The following LARGE1 variants were observed in gnomAD, a reference collection of about 807,000 sequenced individuals.
The protein encoded by LARGE1 is xylosyl- and glucuronyltransferase LARGE1.
Under a neutral mutation model 87.6 loss-of-function variants are expected in LARGE1, and 43 were observed. That is an observed-to-expected ratio of 0.49 (90% CI 0.38 to 0.63). The LOEUF is 0.63. Among genes scored for constraint, LARGE1 ranks in the 30% least tolerant of loss-of-function variants. The pLI, the probability that LARGE1 is intolerant of heterozygous loss-of-function variation, is 0.00. For synonymous variants in LARGE1, 434 were observed against 394.6 expected (o/e 1.10, Z -1.18); for missense variants, 802 against 1,000.2 (o/e 0.80, Z 2.67).
In LARGE1 at chr22:33,615,501, A is replaced by AT. The variant is rs397692135; in HGVS notation, c.491+10742_491+10743insA. ...ATTTCACTGAAATAATTTTTAAAAA[A>AT]CCCTTTCTCTTTTTCTGCTGTCTGC... On this transcript the variant is annotated intron_variant, in intron 4 of 14. Coordinates refer to ENST00000397394, the MANE Select transcript of LARGE1 (RefSeq NM_133642.5). Among the ~76,000 whole-genome samples the AT allele has an allele frequency of 5.9e-3, 887 of 150,976 alleles. 5 individuals carry two copies. The highest frequency in any genetic ancestry group is 0.018 in the African/African-American group (757 of 41,096).
At chr22:33,768,289 C>T (rs2084965521) in intron 1 of LARGE1, among the ~76,000 whole-genome samples, 1 of 152,160 alleles carries the variant, frequency 6.6e-6, no homozygotes, top group Admixed American at 6.5e-5. Flanking sequence ...CAGAGCGAGA[C>T]TCCGTCCCAC....
At chr22:33,155,046 C>T in the LARGE1 span, among the ~76,000 whole-genome samples, 2 of 152,194 alleles carry the variant, frequency 1.3e-5, no homozygotes, top group African/African-American at 2.4e-5. Context: ...TCCCCAGCCA[C>T]GTGGAACTGT....
intron 4 of LARGE1, among the ~76,000 whole-genome samples, chr22:33,608,631 T>C (rs1437600080): frequency 1.3e-5 from 2 of 152,208 alleles, no homozygotes; most frequent in African/African-American, 4.8e-5. Flanking sequence ...CCTGAATAGA[T>C]ATTCCTGTAA....
chr22:33,597,660 T>G (rs28576614), intron 5 of LARGE1, among the ~76,000 whole-genome samples: 12,942 of 152,132 alleles, frequency 0.085, 680 homozygotes, highest in African/African-American at 0.14. Context: ...CAAGCGGGCA[T>G]TGGGTCTAAG....
intron 6 of LARGE1, among the ~76,000 whole-genome samples, chr22:33,550,899 A>G (rs2077505533): frequency 6.6e-6 from 1 of 152,216 alleles, no homozygotes; most frequent in Admixed American, 6.5e-5. Context: ...CTTCTGAAAC[A>G]ACATGGGTGG....
intron 1 of LARGE1, among the ~76,000 whole-genome samples, chr22:33,865,798 A>G (rs1418372242): frequency 1.4e-5 from 2 of 145,254 alleles, no homozygotes; most frequent in African/African-American, 5.3e-5. Flanking sequence ...AAAAATACTC[A>G]GTATATAGTA....
chr22:33,750,161 T>C (rs1235802742), intron 2 of LARGE1, among the ~76,000 whole-genome samples: 1 of 152,170 alleles, frequency 6.6e-6, no homozygotes, highest in Non-Finnish European at 1.5e-5. Context: ...CCCTCTCAAT[T>C]CTGTTCTATG....
chr22:33,247,775 C>T (rs987395619), intron 11 of LARGE1, among the ~76,000 whole-genome samples: 23 of 152,214 alleles, frequency 1.5e-4, no homozygotes, highest in African/African-American at 4.8e-4. Flanking sequence ...TTGTGGAGCC[C>T]GGACATATAT....
At position 33,195,749 on chromosome 22, in the gene LARGE1, CTTTTTTCT is replaced by C. The variant is rs1386185186; in HGVS notation, c.1731-28925_1731-28918del. Among the ~76,000 whole-genome samples the C allele has an allele frequency of 0.011, 1,015 of 89,636 alleles. 30 individuals carry two copies. The South Asian group carries it at 0.16, about 14-fold the overall frequency. 58.8% of individuals were successfully genotyped at this position (89,636 alleles called of 152,430 possible). A position where few individuals can be genotyped will look rare whatever the true frequency, so the allele number is the denominator to read the frequency against. ...AGTGCCTAAAATTAATTTCTTTTTT[CTTTTTTCT>C]TTTTTTTTTTTTTTTGAGACGGAGT... On this transcript the variant is annotated intron_variant, in intron 11 of 11. Coordinates refer to the LARGE1 transcript ENST00000608642.
chr22:33,283,360 G>T lies in LARGE1; in HGVS notation c.1731-12C>A, dbSNP rs1205957552. 3 of 1,614,144 alleles carry T rather than the reference G, an allele frequency of 1.9e-6. No individual in the cohort carries two copies. The highest frequency in any genetic ancestry group is 4.5e-5 in the East Asian group (2 of 44,870). The stretch of plus-strand genomic sequence containing the variant: ...GGATGACAGACTTCCTGAAAAGAGG[G>T]GACAGGCAGAGAGACAGAGTCCCTG... On this transcript the variant is annotated splice_polypyrimidine_tract_variant and intron_variant, in intron 12 of 14. Transcript: ENST00000397394.
At chr22:33,741,832 G>A (rs2083894492) in intron 2 of LARGE1, among the ~76,000 whole-genome samples, 1 of 152,178 alleles carries the variant, frequency 6.6e-6, no homozygotes, top group Admixed American at 6.5e-5. Context: ...AGAGCCAGGA[G>A]GGGTGTGCAA....
Position 33,817,741 on chromosome 22 carries a change from G to A in LARGE1, c.-82-56183C>T, listed in dbSNP as rs192261801. On this transcript the variant is annotated intron_variant, in intron 1 of 14. Coordinates refer to ENST00000397394, the MANE Select transcript of LARGE1 (RefSeq NM_133642.5). The stretch of plus-strand genomic sequence containing the variant: ...CTAGCATCACAGACAGGCTCTCACC[G>A]ATATTAGCATTCAGTAGTACACCTT... 2.4e-4 allele frequency among the ~76,000 whole-genome samples: 37 copies of A among 152,278 alleles called. 1 individual carries two copies. The East Asian group carries it at 4.4e-3, about 18-fold the overall frequency.
At chr22:33,191,783 T>A (rs1923792893) in intron 11 of LARGE1, among the ~76,000 whole-genome samples, 1 of 149,406 alleles carries the variant, frequency 6.7e-6, no homozygotes. Context: ...CAAAATACAT[T>A]ACAGGAACTA....
At chr22:33,376,210 G>A (rs946644551) in intron 9 of LARGE1, among the ~76,000 whole-genome samples, 4 of 152,122 alleles carry the variant, frequency 2.6e-5, no homozygotes, top group Non-Finnish European at 5.9e-5. Flanking sequence ...ATGCGGACAC[G>A]AGTTATATTT....
intron 11 of LARGE1, among the ~76,000 whole-genome samples, chr22:33,233,996 T>A (rs1002463258): frequency 2.0e-5 from 3 of 152,196 alleles, no homozygotes; most frequent in Non-Finnish European, 2.9e-5. Flanking sequence ...TGGACCAAAA[T>A]GTCCTACCAA....
intron 6 of LARGE1, among the ~76,000 whole-genome samples, chr22:33,459,168 CTCTGTG>C (rs745507984): frequency 3.3e-5 from 5 of 152,136 alleles, no homozygotes; most frequent in Non-Finnish European, 7.4e-5. Flanking sequence ...TTATTCCCCT[CTCTGTG>C]TCTATGTGTT....
upstream of LARGE1, among the ~76,000 whole-genome samples, chr22:33,921,635 T>G (rs2267328): frequency 0.075 from 11,466 of 152,104 alleles, 570 homozygotes; most frequent in East Asian, 0.26. This position sits in a 1 kb window ranked among gnomAD's most constrained non-coding sequence, Gnocchi z 4.1. Context: ...CCTCTTCCTC[T>G]GAGGAAACTA....
At chr22:33,664,307 A>G (rs1335900122) in intron 2 of LARGE1, among the ~76,000 whole-genome samples, 1 of 152,184 alleles carries the variant, frequency 6.6e-6, no homozygotes, top group Non-Finnish European at 1.5e-5. Flanking sequence ...AGCAAATGTC[A>G]TCACTTTTGC....
chr22:33,521,127 T>C (rs1016059481), intron 6 of LARGE1, among the ~76,000 whole-genome samples: 3 of 152,324 alleles, frequency 2.0e-5, no homozygotes, highest in African/African-American at 4.8e-5. Flanking sequence ...GGAATGACTA[T>C]AGGACAGTAA....
Sources: gnomAD v4.1 joint callset for allele counts (sites outside exome capture counted in the v4.1 genomes callset) on GRCh38, gnomAD v4.1.1 for gene constraint, Gnocchi (gnomAD v3.1) non-coding constraint, MANE v1.5 for transcripts, NCBI Gene and HGNC (gene_info 2026-07-23, HGNC 2026-07-21) for gene names.